Variants in RERE observed in about 807,000 individuals in gnomAD.
RERE encodes arginine-glutamic acid dipeptide repeats protein.
A neutral mutation model predicts 146.1 loss-of-function variants in RERE; 40 were observed. The ratio of observed to expected loss-of-function variants is 0.27; its 90% CI spans 0.21 to 0.36. RERE has a LOEUF of 0.36. Ranked by LOEUF, RERE falls within the 10% of genes least tolerant of loss-of-function variation. The pLI is 1.00. For missense variants in RERE, 1,933 were observed against 2,138.7 expected (o/e 0.90, Z 1.90); for synonymous variants, 1,003 against 866.0 (o/e 1.16, Z -2.78).
At chr1:8,808,204 T>C (rs551940689) in intron 1 of RERE, among the ~76,000 whole-genome samples, 21 of 149,486 alleles carry the variant, frequency 1.4e-4, no homozygotes, top group Non-Finnish European at 2.2e-4. Flanking sequence ...GATATTCTGA[T>C]CATTTATTAA....
chr1:8,358,208 G>A lies in RERE; in HGVS notation c.4327C>T (p.Pro1443Ser), dbSNP rs1349845013. The change falls in exon 20 of 23, where the codon CCC becomes TCC. Residue 1443 changes from proline (P) to serine (S), a missense_variant. Transcript: ENST00000400908. ...HSHLHLHQQDPLHQGSAGPVH... is the reference protein window; with the variant it reads ...HSHLHLHQQDSLHQGSAGPVH... ...CTGGGGCACGCACCTTGGTGGAGGG[G>A]GTCCTGCTGGTGGAGGTGGAGGTGG... is the stretch of plus-strand genomic sequence containing the variant. 4 of 1,593,418 alleles carry A rather than the reference G, an allele frequency of 2.5e-6. No homozygotes were observed. The South Asian group carries it at 3.3e-5, about 13-fold the overall frequency.
intron 10 of RERE, among the ~76,000 whole-genome samples, chr1:8,491,618 A>G (rs1488487913): frequency 6.6e-6 from 1 of 152,142 alleles, no homozygotes; most frequent in African/African-American, 2.4e-5. Context: ...ATCCTGCCTC[A>G]AACAAACAAA....
intron 1 of RERE, among the ~76,000 whole-genome samples, chr1:8,728,926 G>C (rs1166929630): frequency 2.0e-5 from 3 of 152,098 alleles, no homozygotes; most frequent in African/African-American, 7.2e-5. Flanking sequence ...CAGCACTTTG[G>C]GAGGCCGAGG....
intron 8 of RERE, among the ~76,000 whole-genome samples, chr1:8,501,284 G>C (rs1158534421): frequency 7.5e-6 from 1 of 133,860 alleles, no homozygotes; most frequent in Non-Finnish European, 1.6e-5. Context: ...CCCCTACCGG[G>C]AAGTGAGGAC....
intron 1 of RERE, among the ~76,000 whole-genome samples, chr1:8,710,605 G>A (rs1330205730): frequency 1.3e-5 from 2 of 152,080 alleles, no homozygotes; most frequent in African/African-American, 4.8e-5. Flanking sequence ...TGCAAGCTCC[G>A]CCTCCCAGGT....
Position 8,462,139 on chromosome 1 carries a change from A to G in RERE, c.1203+3786T>C, listed in dbSNP as rs558229728. 3.9e-5 allele frequency among the ~76,000 whole-genome samples: 6 copies of G among 152,334 alleles called. No homozygotes were observed. The East Asian group carries it at 1.2e-3, about 29-fold the overall frequency. ...TTTCTCTTTAATGTGCTGATTCATA[A>G]CTATTAACTATTAAAAGTTTTAAAA... On this transcript the variant is annotated intron_variant, in intron 11 of 22. Coordinates refer to ENST00000400908, the MANE Select transcript of RERE (RefSeq NM_001042681.2).
intron 1 of RERE, among the ~76,000 whole-genome samples, chr1:8,752,614 T>C (rs1390815726): frequency 1.3e-5 from 2 of 152,186 alleles, no homozygotes; most frequent in Non-Finnish European, 2.9e-5. Flanking sequence ...GTACTCATCG[T>C]AAGGCTGTAG....
At chr1:8,363,772 AGCCTTGGAGAGCAAGAGGG>A in intron 15 of RERE, 1 of 469,034 alleles carries the variant, frequency 2.1e-6, no homozygotes, top group Non-Finnish European at 3.8e-6. Flanking sequence ...CACAAGCAGC[AGCCTTGGAGAGCAAGAGGG>A]GCCTTGGAGA....
Position 8,356,346 on chromosome 1 carries a change from G to A in RERE, c.4340-100C>T, listed in dbSNP as rs1185617282. On this transcript the variant is annotated intron_variant, in intron 20 of 22. Transcript: ENST00000400908. This position sits in a 1 kb window ranked among gnomAD's most constrained non-coding sequence, Gnocchi z 5.2. ...CGATGACTTCCTCCTCACCCAGGAT[G>A]GCTCCTGGTCACCAGGGCTGGATGC... 1.5e-5 allele frequency: 19 copies of A among 1,306,036 alleles called. No homozygotes were observed. Among genetic ancestry groups the A allele is most frequent in the Non-Finnish European group, 1.7e-5 (17 of 1,004,982 alleles). 80.9% of individuals were successfully genotyped at this position (1,306,036 alleles called of 1,614,324 possible).
chr1:8,750,805 C>A, intron 1 of RERE: 1 of 817,054 alleles, frequency 1.2e-6, no homozygotes, highest in East Asian at 2.4e-5. Flanking sequence ...TGAAGCTCAA[C>A]AAGGCTTCAA....
At chr1:8,618,540 A>G (rs1204055191) in intron 3 of RERE, among the ~76,000 whole-genome samples, 1 of 152,240 alleles carries the variant, frequency 6.6e-6, no homozygotes, top group Admixed American at 6.5e-5. Context: ...GCTCTAATGC[A>G]AGATTTACCT....
At chr1:8,442,058 G>T (rs1644257066) in intron 11 of RERE, among the ~76,000 whole-genome samples, 1 of 151,996 alleles carries the variant, frequency 6.6e-6, no homozygotes, top group Admixed American at 6.6e-5. Flanking sequence ...ATTAAAGGGG[G>T]AAAAGGATAA....
chr1:8,352,584 G>A lies in RERE; in HGVS notation c.*2503C>T, dbSNP rs1047749650. 12 of 152,376 alleles carry A rather than the reference G, an allele frequency of 7.9e-5. No homozygotes were observed. Among genetic ancestry groups the A allele is most frequent in the African/African-American group, 2.7e-4 (11 of 41,434 alleles). The allele number at this position is 152,376 out of a possible 1,614,324, so 9.4% of individuals were successfully genotyped here. Reference sequence around the variant, plus strand: ...AGATATATAGAAACGTAGCAAATCCGAGTGTGCACGCTGCCTCTGCCGCAG... The same window carrying A: ...AGATATATAGAAACGTAGCAAATCCAAGTGTGCACGCTGCCTCTGCCGCAG... On this transcript the variant is annotated 3_prime_UTR_variant, in exon 23 of 23. Transcript: ENST00000400908.
intron 12 of RERE, among the ~76,000 whole-genome samples, chr1:8,412,796 T>C (rs750391132): frequency 6.6e-5 from 10 of 152,304 alleles, no homozygotes; most frequent in Non-Finnish European, 1.0e-4. Flanking sequence ...CCTGGGACAG[T>C]AGAGTTCACA....
At chr1:8,771,835 G>A (rs1380341943) in intron 1 of RERE, among the ~76,000 whole-genome samples, 37 of 149,762 alleles carry the variant, frequency 2.5e-4, no homozygotes, top group Admixed American at 1.3e-3. Context: ...GCATGAACCC[G>A]GGAGGCGGAG....
At chr1:8,477,969 T>C (rs1644776635) in intron 10 of RERE, among the ~76,000 whole-genome samples, 1 of 152,204 alleles carries the variant, frequency 6.6e-6, no homozygotes, top group Non-Finnish European at 1.5e-5. Context: ...ACAGCTTTAG[T>C]AACTAAGAAA....
intron 10 of RERE, among the ~76,000 whole-genome samples, chr1:8,477,328 AG>A (rs1644769833): frequency 6.6e-6 from 1 of 152,252 alleles, no homozygotes; most frequent in Non-Finnish European, 1.5e-5. Flanking sequence ...CTCTGGCCAC[AG>A]GGAGAAAAGC....
intron 12 of RERE, among the ~76,000 whole-genome samples, chr1:8,376,019 G>T (rs1642234102): frequency 6.6e-6 from 1 of 152,102 alleles, no homozygotes. Context: ...CTTTACAAAT[G>T]AGGCAACTGA....
intron 12 of RERE, among the ~76,000 whole-genome samples, chr1:8,376,646 T>C (rs1444765436): frequency 6.6e-6 from 1 of 152,234 alleles, no homozygotes; most frequent in African/African-American, 2.4e-5. Context: ...AGGCAACATA[T>C]GTCCCAGAAA....
Sources: allele counts gnomAD v4.1 joint callset (sites outside exome capture counted in the v4.1 genomes callset), GRCh38; gene constraint gnomAD v4.1.1; non-coding constraint Gnocchi (gnomAD v3.1); transcripts MANE v1.5; gene names NCBI Gene and HGNC (gene_info 2026-07-23, HGNC 2026-07-21).